Variants in HNRNPF observed in about 807,000 individuals in gnomAD.
HNRNPF encodes heterogeneous nuclear ribonucleoprotein F.
Under a neutral mutation model 26.0 loss-of-function variants are expected in HNRNPF, and 2 were observed. That is an observed-to-expected ratio of 0.08 (90% CI 0.03 to 0.24). The LOEUF (loss-of-function observed/expected upper bound fraction) is 0.24. Ranked by LOEUF, HNRNPF falls within the 10% of genes least tolerant of loss-of-function variation. The pLI is 1.00. For missense variants in HNRNPF, 299 were observed against 539.2 expected (o/e 0.55, Z 4.41); for synonymous variants, 234 against 211.5 (o/e 1.11, Z -0.92).
intron 3 of HNRNPF, 142 bp from the exon 4 acceptor site, chr10:43,388,078 T>C (rs562090081): frequency 1.8e-6 from 1 of 555,876 alleles, no homozygotes; most frequent in African/African-American, 1.9e-5. Context: ...CTCAAAAAAT[T>C]ACATTATCAG....
chr10:43,393,639 C>T (rs560202706), intron 3 of HNRNPF, among the ~76,000 whole-genome samples: 28 of 152,058 alleles, frequency 1.8e-4, no homozygotes, highest in Admixed American at 1.6e-3. Flanking sequence ...CTAGGCCTTA[C>T]TGCAATCCCA....
chr10:43,407,799 G>C (rs912216168), intron 1 of HNRNPF: 2 of 152,246 alleles, frequency 1.3e-5, no homozygotes, highest in African/African-American at 4.8e-5. Context: ...CCGGGGCCGA[G>C]AGCTAAGGCT....
intron 3 of HNRNPF, among the ~76,000 whole-genome samples, chr10:43,389,672 G>C (rs1467879605): frequency 6.6e-6 from 1 of 152,114 alleles, no homozygotes; most frequent in East Asian, 1.9e-4. Context: ...AAGCATAATG[G>C]CACAAATGAA....
At chr10:43,391,557 C>CT (rs1404837556) in intron 3 of HNRNPF, among the ~76,000 whole-genome samples, 1 of 152,320 alleles carries the variant, frequency 6.6e-6, no homozygotes, top group East Asian at 1.9e-4. Flanking sequence ...CCCCAGCACC[C>CT]TGCTTGTCCA....
intron 1 of HNRNPF, among the ~76,000 whole-genome samples, chr10:43,398,830 G>A (rs1356089956): frequency 1.3e-5 from 2 of 152,040 alleles, no homozygotes; most frequent in South Asian, 2.1e-4. Context: ...ACAACTGTTT[G>A]TAAAACTGAG....
intron 1 of HNRNPF, among the ~76,000 whole-genome samples, chr10:43,407,320 G>T (rs1838954197): frequency 6.6e-6 from 1 of 151,910 alleles, no homozygotes; most frequent in Admixed American, 6.6e-5. Flanking sequence ...CCCAGCGCCC[G>T]CGAGCAGTTT....
chr10:43,403,803 G>A (rs1164869706), intron 1 of HNRNPF, among the ~76,000 whole-genome samples: 1 of 150,296 alleles, frequency 6.7e-6, no homozygotes, highest in Non-Finnish European at 1.5e-5. Flanking sequence ...GACCACCCTG[G>A]GCGACATGGC....
chr10:43,406,647 A>C (rs947282949), intron 1 of HNRNPF, among the ~76,000 whole-genome samples: 3 of 151,666 alleles, frequency 2.0e-5, no homozygotes, highest in Non-Finnish European at 4.4e-5. Flanking sequence ...AGCCGAGATC[A>C]CACCATTGCA....
Position 43,388,085 on chromosome 10 carries a change from TCA to T in HNRNPF, c.-52-151_-52-150del, listed in dbSNP as rs373982101. 3.1e-4 allele frequency: 171 copies of T among 556,876 alleles called. No individual in the cohort carries two copies. The East Asian group carries it at 4.6e-3, about 15-fold the overall frequency. The allele number at this position is 556,876 out of a possible 1,614,324, so 34.5% of individuals were successfully genotyped here. On this transcript the variant is annotated intron_variant, in intron 3 of 3. Transcript: ENST00000682386. Reference sequence around the variant, plus strand: ...CCAGGTCTCTCAAAAAATTACATTATCAGTCACAGGCAGTTTGAAAAACAAAT... The same window carrying T: ...CCAGGTCTCTCAAAAAATTACATTATGTCACAGGCAGTTTGAAAAACAAAT...
chr10:43,406,707 T>C (rs531504268), intron 1 of HNRNPF, among the ~76,000 whole-genome samples: 1 of 152,116 alleles, frequency 6.6e-6, no homozygotes, highest in South Asian at 2.1e-4. Context: ...ATAATACATA[T>C]TTTTTTATAG....
At chr10:43,400,075 G>A (rs1480577491) in intron 1 of HNRNPF, among the ~76,000 whole-genome samples, 2 of 152,316 alleles carry the variant, frequency 1.3e-5, no homozygotes, top group African/African-American at 4.8e-5. Context: ...GCCAGGAGCA[G>A]TGGCTCAAGC....
At chr10:43,391,605 C>T (rs751787040) in intron 3 of HNRNPF, among the ~76,000 whole-genome samples, 2 of 152,160 alleles carry the variant, frequency 1.3e-5, no homozygotes, top group Non-Finnish European at 2.9e-5. Flanking sequence ...TACAGACTCT[C>T]ACCTCCTCTC....
chr10:43,406,630 GGCAGCGAGCCGAGATCACACCATTGCAC>G (rs1838927271), intron 1 of HNRNPF, among the ~76,000 whole-genome samples: 2 of 152,024 alleles, frequency 1.3e-5, no homozygotes, highest in African/African-American at 4.8e-5. Context: ...GGAGGATCTC[GGCAGCGAGCCGAGATCACACCATTGCAC>G]TCCAGCCTGG....
chr10:43,394,490 A>G (rs548519738), intron 3 of HNRNPF, 140 bp downstream of exon 3: 3 of 152,192 alleles, frequency 2.0e-5, no homozygotes, highest in Non-Finnish European at 4.4e-5. Flanking sequence ...CTAAAACTCA[A>G]GCTGAAAAGA....
At chr10:43,392,186 T>C (rs1229713268) in intron 3 of HNRNPF, among the ~76,000 whole-genome samples, 1 of 151,968 alleles carries the variant, frequency 6.6e-6, no homozygotes, top group Non-Finnish European at 1.5e-5. Flanking sequence ...GGCAGATCAT[T>C]TGAGGTCAGG....
At chr10:43,405,893 C>T (rs1022810015) in intron 1 of HNRNPF, among the ~76,000 whole-genome samples, 18 of 152,056 alleles carry the variant, frequency 1.2e-4, no homozygotes, top group Non-Finnish European at 2.6e-4. Flanking sequence ...CCACAAGAAC[C>T]GTAGCTCAGG....
In HNRNPF at chr10:43,386,942, C is replaced by T. The variant is rs1487846586; in HGVS notation, c.943G>A (p.Val315Met). Residue 315 changes from valine (V) to methionine (M), a missense_variant, in exon 4 of 4, where the codon GTG becomes ATG. Around this residue, in one of 6 missense-constraint regions of HNRNPF, gnomAD observed 36 missense variants for 93.8 expected, o/e 0.38. Coordinates refer to ENST00000682386, the MANE Select transcript of HNRNPF (RefSeq NM_001098204.2). ...IYNFFSPLNP[V>M]RVHIEIGPDG... ...GGGCCAATCTCAATATGGACTCTCA[C>T]AGGGTTGAGAGGAGAGAAGAAGTTG... is the stretch of plus-strand genomic sequence containing the variant. 1.2e-6 allele frequency: 2 copies of T among 1,614,188 alleles called. No homozygotes were observed. Among genetic ancestry groups the T allele is most frequent in the Admixed American group, 1.7e-5 (1 of 60,022 alleles).
intron 3 of HNRNPF, among the ~76,000 whole-genome samples, chr10:43,389,848 A>T (rs567760252): frequency 6.6e-6 from 1 of 152,342 alleles, no homozygotes; most frequent in South Asian, 2.1e-4. Flanking sequence ...GAAGAGAGTC[A>T]AGGGGAGCCT....
In HNRNPF at chr10:43,391,309, T is replaced by C. The variant is rs565237040; in HGVS notation, c.-53+3321A>G. Among the ~76,000 whole-genome samples, 14 of 143,522 alleles carry C rather than the reference T, an allele frequency of 9.8e-5. No individual in the cohort carries two copies. In the South Asian group the frequency reaches 2.7e-3, roughly 28 times the overall value. 94.2% of individuals were successfully genotyped at this position (143,522 alleles called of 152,430 possible). ...CTCTGTCTCAAAAAAAAAAAAAAAA[T>C]TACCTGGACGTGGTGGTGGGCGCCT... On this transcript the variant is annotated intron_variant, in intron 3 of 3. Coordinates refer to ENST00000682386, the MANE Select transcript of HNRNPF (RefSeq NM_001098204.2).
Sources: gnomAD v4.1 joint callset for allele counts (sites outside exome capture counted in the v4.1 genomes callset) on GRCh38, gnomAD v4.1.1 for gene constraint, gnomAD v4.1.1 regional missense constraint, MANE v1.5 for transcripts, NCBI Gene and HGNC (gene_info 2026-07-23, HGNC 2026-07-21) for gene names.